KCNJ18: variants seen among roughly 807,000 people sequenced by gnomAD.
The protein encoded by KCNJ18 is potassium inwardly rectifying channel subfamily J member 18, also known as inward rectifier potassium channel 18.
In KCNJ18, 16 loss-of-function variants were observed where a neutral mutation model predicts 17.3. That is an observed-to-expected ratio of 0.92 (90% CI 0.62 to 1.40). The LOEUF is 1.40. KCNJ18 is among the 40% of genes most tolerant of loss of function. The probability of loss-of-function intolerance (pLI) is 0.00; values close to 1 mark genes in which losing one functional copy is unlikely to be tolerated. For synonymous variants in KCNJ18, 185 were observed against 262.6 expected, an observed-to-expected ratio of 0.70 and a Z score of 2.86; for missense variants, 462 against 626.8, an observed-to-expected ratio of 0.74 and a Z score of 2.81.
intron 2 of KCNJ18, 72 bp downstream of exon 2, chr17:21,696,176 C>A (rs1905753043): frequency 6.6e-6 from 1 of 152,122 alleles, no homozygotes; most frequent in African/African-American, 2.4e-5. Flanking sequence ...TCTGTACATC[C>A]TTCACCCCTC....
intron 2 of KCNJ18, 75 bp from the exon 3 acceptor site, chr17:21,702,656 C>G: frequency 9.9e-7 from 1 of 1,005,938 alleles, no homozygotes; most frequent in Non-Finnish European, 1.5e-6. Flanking sequence ...CCAGTCACGT[C>G]TGGGGGCCCT....
At chr17:21,698,836 G>T (rs1597755979) in intron 2 of KCNJ18, among the ~76,000 whole-genome samples, 1 of 152,262 alleles carries the variant, frequency 6.6e-6, no homozygotes, top group South Asian at 2.1e-4. Flanking sequence ...GGAAAGCAGG[G>T]ATCTCCGGGG....
rs1293315209 is a variant in KCNJ18 at position 21,704,428 on chromosome 17, A to C, written c.*340A>C. The C allele has an allele frequency of 1.3e-4, 37 of 294,366 alleles. No individual in the cohort carries two copies. Among genetic ancestry groups the C allele is most frequent in the Admixed American group, 7.5e-4 (16 of 21,414 alleles). The allele number at this position is 294,366 out of a possible 1,614,324, so 18.2% of individuals were successfully genotyped here. ...ATGGTGGGCCCAGCCTCTGCTGTCCAAGGCTGGCTAGCTGCGGTGCTCCTT... is the reference window on the plus strand; with the variant it reads ...ATGGTGGGCCCAGCCTCTGCTGTCCCAGGCTGGCTAGCTGCGGTGCTCCTT... On this transcript the variant is annotated 3_prime_UTR_variant, in exon 3 of 3. Coordinates refer to ENST00000567955, the MANE Select transcript of KCNJ18 (RefSeq NM_001194958.2).
Position 21,702,863 on chromosome 17 carries a change from C to G in KCNJ18, c.77C>G (p.Ser26Trp). The G allele has an allele frequency of 1.3e-6, 2 of 1,599,498 alleles. No homozygotes were observed. Among genetic ancestry groups the G allele is most frequent in the South Asian group, 2.2e-5 (2 of 89,878 alleles). Reference sequence around the variant, plus strand: ...GACGGGCTGCACCTGGTCACCATGTCGGGCGCCAACGGCTTCGGCAACGGC... The same window carrying G: ...GACGGGCTGCACCTGGTCACCATGTGGGGCGCCAACGGCTTCGGCAACGGC... ...EEDGLHLVTM[S>W]GANGFGNGKV... The change falls in exon 3 of 3, where the codon TCG becomes TGG. Residue 26 changes from serine to tryptophan, a missense_variant. This residue lies in a region of KCNJ18 where 237 missense variants were observed against 259.4 expected (regional missense o/e 0.91). Transcript: ENST00000567955.
Position 21,702,221 on chromosome 17 carries a change from G to A in KCNJ18, c.-56-510G>A, listed in dbSNP as rs1376554559. On this transcript the variant is annotated intron_variant, in intron 2 of 2. Transcript: ENST00000567955. ...GGGGCTGTGGCTGGATGGGGAGTCC[G>A]CTGGAGGAGGCTGGGAGGTGAAGTC... Among the ~76,000 whole-genome samples the A allele has an allele frequency of 1.7e-3, 256 of 151,998 alleles. 3 individuals carry two copies. Among genetic ancestry groups the A allele is most frequent in the Middle Eastern group, 6.8e-3 (2 of 294 alleles).
intron 2 of KCNJ18, among the ~76,000 whole-genome samples, chr17:21,700,718 C>T (rs1905921906): frequency 1.2e-5 from 1 of 86,654 alleles, no homozygotes; most frequent in Non-Finnish European, 2.3e-5. Flanking sequence ...TGGGACAAGT[C>T]CATTCTGGCT....
At chr17:21,695,182 T>C (rs1471278566) in intron 1 of KCNJ18, among the ~76,000 whole-genome samples, 7 of 143,546 alleles carry the variant, frequency 4.9e-5, no homozygotes, top group African/African-American at 1.5e-4. Flanking sequence ...TATCCAACCA[T>C]CCATCCATCC....
Position 21,703,718 on chromosome 17 carries a change from A to G in KCNJ18, c.932A>G (p.Gln311Arg), listed in dbSNP as rs1906060191. The change falls in exon 3 of 3, where the codon CAG becomes CGG. Residue 311 changes from glutamine to arginine, a missense_variant. Transcript: ENST00000567955. ...GTGGAGGCCACAGCCATGACCACCC[A>G]GGCCCGCAGCTCCTACCTGGCCAAT... ...GMVEATAMTTQARSSYLANEI... is the reference protein window; with the variant it reads ...GMVEATAMTTRARSSYLANEI... 4 of 1,596,034 alleles carry G rather than the reference A, an allele frequency of 2.5e-6. No homozygotes were observed. The African/African-American group carries it at 4.0e-5, about 16-fold the overall frequency.
At chr17:21,696,154 A>T (rs1355029214) in intron 2 of KCNJ18, 50 bp downstream of exon 2, 29 of 152,118 alleles carry the variant, frequency 1.9e-4, no homozygotes, top group African/African-American at 6.5e-4. Flanking sequence ...CATTCCTTCC[A>T]CCAGACTCTC....
chr17:21,698,986 C>T (rs1905853695), intron 2 of KCNJ18, among the ~76,000 whole-genome samples: 1 of 152,208 alleles, frequency 6.6e-6, no homozygotes, highest in African/African-American at 2.4e-5. Flanking sequence ...TCCCGGCGAC[C>T]CTGGGACCCT....
In KCNJ18 at chr17:21,704,541, A is replaced by C; in HGVS notation, c.*453A>C. ...ACTGTTTACAAAAAAAAAAAAAACC[A>C]TGCAATTGGAGAAAAAAATTTTAAT... On this transcript the variant is annotated 3_prime_UTR_variant, in exon 3 of 3. Coordinates refer to ENST00000567955, the MANE Select transcript of KCNJ18 (RefSeq NM_001194958.2). The C allele has an allele frequency of 1.2e-5, 2 of 160,176 alleles. No individual in the cohort carries two copies. Among genetic ancestry groups the C allele is most frequent in the Non-Finnish European group, 1.4e-5 (1 of 70,064 alleles). The allele number at this position is 160,176 out of a possible 1,614,324, so 9.9% of individuals were successfully genotyped here.
chr17:21,699,897 A>C (rs1316081322), intron 2 of KCNJ18, among the ~76,000 whole-genome samples: 3 of 152,246 alleles, frequency 2.0e-5, no homozygotes, highest in Non-Finnish European at 4.4e-5. Context: ...TGTTCCTTGC[A>C]GGCTTTGAGC....
At position 21,700,521 on chromosome 17, in the gene KCNJ18, C is replaced by T. The variant is rs1292870059; in HGVS notation, c.-56-2210C>T. ...GCGGGCTCGGGGCTAAGCAACCAGG[C>T]AGCCCCTGGGAGTGTTCCACAGCCT... On this transcript the variant is annotated intron_variant, in intron 2 of 2. Coordinates refer to ENST00000567955, the MANE Select transcript of KCNJ18 (RefSeq NM_001194958.2). Among the ~76,000 whole-genome samples, 6 of 101,548 alleles carry T rather than the reference C, an allele frequency of 5.9e-5. 1 individual carries two copies. Among genetic ancestry groups the T allele is most frequent in the African/African-American group, 2.1e-4 (6 of 28,188 alleles). 66.6% of individuals were successfully genotyped at this position (101,548 alleles called of 152,430 possible).
At chr17:21,696,706 G>T (rs1905768819) in intron 2 of KCNJ18, among the ~76,000 whole-genome samples, 2 of 152,296 alleles carry the variant, frequency 1.3e-5, no homozygotes, top group African/African-American at 4.8e-5. Context: ...GCCAGGGGAG[G>T]AGGAGGAGGT....
rs1396624545 is a variant in KCNJ18 at position 21,702,761 on chromosome 17, T to C, written c.-26T>C. ...GCCCTGCCTGGAGCTAGCCTGGGGG[T>C]GAGCCAGGGTCCCCCAACCCCCGGG... On this transcript the variant is annotated 5_prime_UTR_variant, in exon 3 of 3. Transcript: ENST00000567955. 191 of 1,490,442 alleles carry C rather than the reference T, an allele frequency of 1.3e-4. No individual in the cohort carries two copies. The highest frequency in any genetic ancestry group is 1.3e-3 in the Admixed American group (65 of 51,336). The allele number at this position is 1,490,442 out of a possible 1,614,324, so 92.3% of individuals were successfully genotyped here.
In KCNJ18 at chr17:21,704,041, G is replaced by C. The variant is rs1409631865; in HGVS notation, c.1255G>C (p.Gly419Arg). Residue 419 changes from glycine to arginine, a missense_variant, in exon 3 of 3, where the codon GGC becomes CGC. Physicochemically the swap from Gly to Arg is moderately radical, Grantham distance 125. Coordinates refer to ENST00000567955, the MANE Select transcript of KCNJ18 (RefSeq NM_001194958.2). ...TGACTTTGACAGACTCCAGGCTGGC[G>C]GCGGGGTCCTGGAGCAGCGGCCCTA... The part of the protein sequence containing the change: ...RHDFDRLQAG[G>R]GVLEQRPYRR... 2 of 1,570,522 alleles carry C rather than the reference G, an allele frequency of 1.3e-6. No homozygotes were observed. Among genetic ancestry groups the C allele is most frequent in the Non-Finnish European group, 1.7e-6 (2 of 1,159,360 alleles).
rs1339961558 is a variant in KCNJ18, at chr17:21,704,481, C to A, written c.*393C>A. 842 of 207,666 alleles carry A rather than the reference C, an allele frequency of 4.1e-3. No homozygotes were observed. The highest frequency in any genetic ancestry group is 0.019 in the African/African-American group (799 of 42,804). The allele number at this position is 207,666 out of a possible 1,614,324, so 12.9% of individuals were successfully genotyped here. ...TGGTTTTTAACTTGGGGAGAAACACCGGGTTTCAGCTTTCTCGACCTTAGC... is the reference window on the plus strand; with the variant it reads ...TGGTTTTTAACTTGGGGAGAAACACAGGGTTTCAGCTTTCTCGACCTTAGC... On this transcript the variant is annotated 3_prime_UTR_variant, in exon 3 of 3. Transcript: ENST00000567955.
At position 21,702,736 on chromosome 17, in the gene KCNJ18, G is replaced by C; in HGVS notation, c.-51G>C. ...TGCTGTCCTCTCTGTTCCAGGAGCC[G>C]CCCTGCCTGGAGCTAGCCTGGGGGT... On this transcript the variant is annotated 5_prime_UTR_variant, in exon 3 of 3. Coordinates refer to ENST00000567955, the MANE Select transcript of KCNJ18 (RefSeq NM_001194958.2). The C allele has an allele frequency of 2.0e-6, 3 of 1,535,136 alleles. No homozygotes were observed. The highest frequency in any genetic ancestry group is 2.6e-6 in the Non-Finnish European group (3 of 1,144,904).
chr17:21,699,242 G>T (rs1473216943), intron 2 of KCNJ18, among the ~76,000 whole-genome samples: 6 of 152,312 alleles, frequency 3.9e-5, no homozygotes, highest in African/African-American at 1.4e-4. Flanking sequence ...AGCCAAAAAG[G>T]CCTGTGTGTC....
Sources: gnomAD v4.1 joint callset for allele counts (sites outside exome capture counted in the v4.1 genomes callset) on GRCh38, gnomAD v4.1.1 for gene constraint, gnomAD v4.1.1 regional missense constraint, MANE v1.5 for transcripts, NCBI Gene and HGNC (gene_info 2026-07-23, HGNC 2026-07-21) for gene names.